The following ATP11A variants were observed in gnomAD, a reference collection of about 807,000 sequenced individuals.
The protein encoded by ATP11A is ATPase phospholipid transporting 11A.
ATP11A carries 81 observed loss-of-function variants against 154.4 expected under a neutral mutation model. The ratio of observed to expected loss-of-function variants is 0.52; its 90% CI spans 0.44 to 0.63. The LOEUF is 0.63. Ranked by LOEUF, ATP11A falls within the 30% of genes least tolerant of loss-of-function variation. ATP11A has a pLI of 0.00. For missense variants in ATP11A, 1,316 were observed against 1,474.3 expected (o/e 0.89, Z 1.76); for synonymous variants, 623 against 585.9 (o/e 1.06, Z -0.91).
chr13:112,799,788 G>A (rs565430207), intron 2 of ATP11A, among the ~76,000 whole-genome samples: 4 of 152,122 alleles, frequency 2.6e-5, no homozygotes, highest in Non-Finnish European at 4.4e-5. Flanking sequence ...CACATTCTGG[G>A]CCATAAAATA....
intron 6 of ATP11A, among the ~76,000 whole-genome samples, chr13:112,817,872 G>C (rs1345644836): frequency 2.0e-5 from 3 of 152,204 alleles, no homozygotes; most frequent in Admixed American, 6.5e-5. Flanking sequence ...TTCCTTAAAA[G>C]CAGAGTAGGG....
rs539405261 is a variant in ATP11A, at chr13:112,797,628, A to G, written c.163-7329A>G. On this transcript the variant is annotated intron_variant, in intron 2 of 29. Transcript: ENST00000375645. ...AAGAAAAGAATAATGTAAAATATTT[A>G]AAGTGTTGAAAGAAAAAGCCAGCAA... Among the ~76,000 whole-genome samples the G allele has an allele frequency of 3.3e-5, 5 of 152,352 alleles. No homozygotes were observed. The South Asian group carries it at 1.0e-3, about 32-fold the overall frequency.
Position 112,819,764 on chromosome 13 carries a change from G to A in ATP11A, c.675-136G>A, listed in dbSNP as rs538988935. 5.1e-4 allele frequency: 424 copies of A among 838,748 alleles called. 1 individual carries two copies. Among genetic ancestry groups the A allele is most frequent in the Admixed American group, 8.0e-4 (39 of 48,994 alleles). The allele number at this position is 838,748 out of a possible 1,614,324, so 52.0% of individuals were successfully genotyped here. A position where few individuals can be genotyped will look rare whatever the true frequency, so the allele number is the denominator to read the frequency against. On this transcript the variant is annotated intron_variant, in intron 7 of 29. Transcript: ENST00000375645. ...GAAAGTACGACAAGGGAAGGGGCTG[G>A]AGCGGGGCTGCTTTAGCCGCACACG... is the stretch of plus-strand genomic sequence containing the variant.
In ATP11A at chr13:112,722,442, G is replaced by A. The variant is rs554575904; in HGVS notation, c.39+31987G>A. The stretch of plus-strand genomic sequence containing the variant: ...GGGGTAAAGAGGTTGTGGAGACAGG[G>A]CTTTATCAGGGTAGCGAGTTTCAGG... On this transcript the variant is annotated intron_variant, in intron 1 of 29. Transcript: ENST00000375645. 4.5e-4 allele frequency among the ~76,000 whole-genome samples: 68 copies of A among 152,256 alleles called. 1 individual carries two copies. The highest frequency in any genetic ancestry group is 1.5e-3 in the African/African-American group (63 of 41,562).
chr13:112,850,998 A>G, intron 17 of ATP11A, 39 bp from the exon 18 acceptor site: 3 of 1,589,034 alleles, frequency 1.9e-6, no homozygotes, highest in Non-Finnish European at 2.6e-6. Flanking sequence ...AGCAAGTGAC[A>G]CCTTGAATTC....
intron 1 of ATP11A, among the ~76,000 whole-genome samples, chr13:112,709,275 C>T (rs1013389448): frequency 2.0e-5 from 3 of 152,144 alleles, no homozygotes; most frequent in Non-Finnish European, 4.4e-5. Flanking sequence ...ACTTACTTTC[C>T]AATCTGACTC....
At chr13:112,735,988 A>C (rs1257879394) in intron 1 of ATP11A, among the ~76,000 whole-genome samples, 2 of 151,922 alleles carry the variant, frequency 1.3e-5, no homozygotes, top group Admixed American at 1.3e-4. Flanking sequence ...GCCTATGCAG[A>C]GCCTCCGTAT....
Position 112,690,343 on chromosome 13 carries a change from AC to A in ATP11A, c.-70del. ...GAGCGGGGGGCGCGGCCGCACTAGT[AC>A]CCCGGAGCCCATGGGCGCGCCGAGC... is the stretch of plus-strand genomic sequence containing the variant. On this transcript the variant is annotated 5_prime_UTR_variant, in exon 1 of 30. Coordinates refer to ENST00000375645, the MANE Select transcript of ATP11A (RefSeq NM_015205.3). This position sits in a 1 kb window ranked among gnomAD's most constrained non-coding sequence, Gnocchi z 5.6. The A allele has an allele frequency of 4.3e-6, 5 of 1,153,918 alleles. No individual in the cohort carries two copies. Among genetic ancestry groups the A allele is most frequent in the Non-Finnish European group, 5.4e-6 (5 of 924,740 alleles). 71.5% of individuals were successfully genotyped at this position (1,153,918 alleles called of 1,614,324 possible).
In ATP11A at chr13:112,773,631, A is replaced by G. The variant is rs141189761; in HGVS notation, c.40-11504A>G. On this transcript the variant is annotated intron_variant, in intron 1 of 29. Transcript: ENST00000375645. ...AGGAAAGGCCCAGGGCTTTGTCTGC[A>G]GAAACAGCTTTTTCCTGTGCTCTTT... is the stretch of plus-strand genomic sequence containing the variant. Among the ~76,000 whole-genome samples the G allele has an allele frequency of 7.9e-5, 12 of 152,360 alleles. No individual in the cohort carries two copies. In the East Asian group the frequency reaches 2.3e-3, roughly 29 times the overall value.
chr13:112,731,126 G>C (rs1174671459), intron 1 of ATP11A, among the ~76,000 whole-genome samples: 1 of 151,034 alleles, frequency 6.6e-6, no homozygotes, highest in Non-Finnish European at 1.5e-5. Flanking sequence ...GTAGAGACAG[G>C]GTTTCACCAT....
chr13:112,877,362 G>A (rs553042362), intron 28 of ATP11A, among the ~76,000 whole-genome samples: 62 of 152,370 alleles, frequency 4.1e-4, no homozygotes, highest in African/African-American at 1.4e-3. Context: ...CTCTAAGCAC[G>A]GTCCTTGGTT....
intron 16 of ATP11A, among the ~76,000 whole-genome samples, chr13:112,840,831 G>A (rs546465720): frequency 2.0e-5 from 3 of 152,064 alleles, no homozygotes; most frequent in East Asian, 2.0e-4. Flanking sequence ...CCTTGGATCC[G>A]GGTCGTCAGC....
chr13:112,793,280 C>T (rs1490904302), intron 2 of ATP11A, among the ~76,000 whole-genome samples: 1 of 152,194 alleles, frequency 6.6e-6, no homozygotes, highest in Non-Finnish European at 1.5e-5. Context: ...TGGCTCACTG[C>T]AACCTCCACC....
chr13:112,733,851 T>C (rs1404442331), intron 1 of ATP11A, among the ~76,000 whole-genome samples: 1 of 152,234 alleles, frequency 6.6e-6, no homozygotes, highest in East Asian at 1.9e-4. Context: ...GACAGCCAAA[T>C]CTCATTTTTC....
In ATP11A at chr13:112,883,087, TTGTCC is replaced by T. The variant is rs1483692776; in HGVS notation, c.*1226_*1230del. 1 of 334,688 alleles carries T rather than the reference TTGTCC, an allele frequency of 3.0e-6. No homozygotes were observed. Among genetic ancestry groups the T allele is most frequent in the African/African-American group, 2.9e-5 (1 of 34,534 alleles). The allele number at this position is 334,688 out of a possible 1,614,324, so 20.7% of individuals were successfully genotyped here. Reference sequence around the variant, plus strand: ...CCCGTCACCTCGTCCTCATGTCCCCTTGTCCTGTCACCTCGTCCCCACGTCCCCTC... The same window carrying T: ...CCCGTCACCTCGTCCTCATGTCCCCTTGTCACCTCGTCCCCACGTCCCCTC... On this transcript the variant is annotated 3_prime_UTR_variant, in exon 30 of 30. Transcript: ENST00000375645.
Position 112,878,690 on chromosome 13 carries a change from C to G in ATP11A, c.*9+387C>G, listed in dbSNP as rs572332201. ...GTCATCCAGGCTCTGAGCTCACACA[C>G]CCTTCCCTCTGCAGCCTGTAGAGCG... On this transcript the variant is annotated intron_variant, in intron 29 of 29. Transcript: ENST00000375645. 9.3e-4 allele frequency among the ~76,000 whole-genome samples: 141 copies of G among 152,346 alleles called. 3 individuals carry two copies. In the South Asian group the frequency reaches 0.028, roughly 31 times the overall value.
At position 112,785,991 on chromosome 13, in the gene ATP11A, GCA is replaced by G. The variant is rs2077616771; in HGVS notation, c.162+738_162+739del. 7.7e-6 allele frequency among the ~76,000 whole-genome samples: 1 copy of G among 129,578 alleles called. No individual in the cohort carries two copies. The allele number at this position is 129,578 out of a possible 152,430, so 85.0% of individuals were successfully genotyped here. Reference sequence around the variant, plus strand: ...TTCAAAATGGATGAGCTAAACCCACGCACACGCGTGGACGGGCTGCACATGGG... The same window carrying G: ...TTCAAAATGGATGAGCTAAACCCACGCACGCGTGGACGGGCTGCACATGGG... On this transcript the variant is annotated intron_variant, in intron 2 of 29. Transcript: ENST00000375645. This position sits in a 1 kb window ranked among gnomAD's most constrained non-coding sequence, Gnocchi z 4.8.
At chr13:112,715,218 C>T (rs565653654) in intron 1 of ATP11A, among the ~76,000 whole-genome samples, 6 of 152,270 alleles carry the variant, frequency 3.9e-5, no homozygotes, top group Admixed American at 1.3e-4. Flanking sequence ...AGGACTAGCC[C>T]CCTCAGGTGC....
intron 1 of ATP11A, among the ~76,000 whole-genome samples, chr13:112,692,387 T>C: frequency 6.6e-6 from 1 of 152,144 alleles, no homozygotes; most frequent in East Asian, 1.9e-4. Context: ...AATCCCCCCT[T>C]CCCAGCCGGT....
Sources: gnomAD v4.1 joint callset for allele counts (sites outside exome capture counted in the v4.1 genomes callset) on GRCh38, gnomAD v4.1.1 for gene constraint, Gnocchi (gnomAD v3.1) non-coding constraint, MANE v1.5 for transcripts, NCBI Gene and HGNC (gene_info 2026-07-23, HGNC 2026-07-21) for gene names.